The following CCSER1 variants were observed in gnomAD, a reference collection of about 807,000 sequenced individuals.
The protein encoded by CCSER1 is serine-rich coiled-coil domain-containing protein 1.
Under a neutral mutation model 82.0 loss-of-function variants are expected in CCSER1, and 41 were observed. The observed-to-expected ratio is 0.50, with a 90% CI of 0.39 to 0.65. The LOEUF (loss-of-function observed/expected upper bound fraction) is 0.65. CCSER1 is among the 30% of genes least tolerant of loss of function. The pLI, the probability that CCSER1 is intolerant of heterozygous loss-of-function variation, is 0.00. For missense variants in CCSER1, 1,119 were observed against 1,064.2 expected, an observed-to-expected ratio of 1.05 and a Z score of -0.72; for synonymous variants, 414 against 383.9, an observed-to-expected ratio of 1.08 and a Z score of -0.92.
At position 90,812,586 on chromosome 4, in the gene CCSER1, C is replaced by T. The variant is rs138463970; in HGVS notation, c.2011-3176C>T. The stretch of plus-strand genomic sequence containing the variant: ...TTTGAGAATTAATATTTAATTATAG[C>T]CAGGGACCAAATGGTAGATATAGTA... On this transcript the variant is annotated intron_variant, in intron 7 of 10. Transcript: ENST00000509176. Among the ~76,000 whole-genome samples the T allele has an allele frequency of 3.9e-4, 60 of 152,180 alleles. No homozygotes were observed. The East Asian group carries it at 0.01, about 26-fold the overall frequency.
intron 3 of CCSER1, among the ~76,000 whole-genome samples, chr4:90,329,001 T>C (rs1472891206): frequency 6.6e-6 from 1 of 152,228 alleles, no homozygotes; most frequent in Non-Finnish European, 1.5e-5. Context: ...CACTTCTTTG[T>C]TTTTTAAAGG....
At chr4:90,371,746 G>A (rs1368966184) in intron 3 of CCSER1, among the ~76,000 whole-genome samples, 1 of 152,088 alleles carries the variant, frequency 6.6e-6, no homozygotes, top group African/African-American at 2.4e-5. Context: ...TAGGATCAGG[G>A]TCATATCACA....
In CCSER1 at chr4:90,755,588, C is replaced by T. The variant is rs181277094; in HGVS notation, c.2010+31597C>T. Among the ~76,000 whole-genome samples, 9 of 152,198 alleles carry T rather than the reference C, an allele frequency of 5.9e-5. No homozygotes were observed. The East Asian group carries it at 1.2e-3, about 20-fold the overall frequency. On this transcript the variant is annotated intron_variant, in intron 7 of 10. Transcript: ENST00000509176. ...ATATTTTAAAAACAAGAAAAATGAA[C>T]GTATTCTGCTTAATACTGTATTTTT...
intron 10 of CCSER1, among the ~76,000 whole-genome samples, chr4:91,216,119 A>T (rs1444209476): frequency 6.6e-6 from 1 of 152,084 alleles, no homozygotes; most frequent in African/African-American, 2.4e-5. Context: ...GAATATTTCA[A>T]ACAAGATGTC....
At chr4:90,920,010 T>G (rs776539073) in intron 8 of CCSER1, among the ~76,000 whole-genome samples, 2 of 151,946 alleles carry the variant, frequency 1.3e-5, no homozygotes, top group Non-Finnish European at 2.9e-5. Flanking sequence ...TTTATAAAAT[T>G]TATCTACTAC....
chr4:90,880,324 C>G (rs192218855), intron 8 of CCSER1, among the ~76,000 whole-genome samples: 4 of 152,196 alleles, frequency 2.6e-5, no homozygotes, highest in Non-Finnish European at 5.9e-5. Context: ...GGGCTCCACA[C>G]CAGAGATACG....
chr4:91,392,856 A>G (rs1292959759), intron 10 of CCSER1, among the ~76,000 whole-genome samples: 1 of 152,124 alleles, frequency 6.6e-6, no homozygotes, highest in Non-Finnish European at 1.5e-5. Flanking sequence ...TTGAATAGAC[A>G]AGTGATTCTC....
intron 9 of CCSER1, among the ~76,000 whole-genome samples, chr4:90,937,231 G>A (rs749789528): frequency 6.6e-6 from 1 of 152,160 alleles, no homozygotes; most frequent in Non-Finnish European, 1.5e-5. Flanking sequence ...TTCTGCCAAT[G>A]TTGCATTTGA....
At chr4:90,515,474 G>A (rs1772142174) in intron 5 of CCSER1, among the ~76,000 whole-genome samples, 2 of 152,158 alleles carry the variant, frequency 1.3e-5, no homozygotes, top group Non-Finnish European at 2.9e-5. Context: ...TACTGGTTTA[G>A]TGGTGCCCTA....
At chr4:90,640,890 T>A (rs774472973) in intron 6 of CCSER1, among the ~76,000 whole-genome samples, 21 of 152,140 alleles carry the variant, frequency 1.4e-4, no homozygotes, top group Non-Finnish European at 2.8e-4. Context: ...TTTTTTAAAT[T>A]ACCCAGTCCT....
At chr4:90,637,367 T>C (rs1441293830) in intron 6 of CCSER1, among the ~76,000 whole-genome samples, 3 of 152,178 alleles carry the variant, frequency 2.0e-5, no homozygotes, top group Non-Finnish European at 4.4e-5. Context: ...CACAATGTCT[T>C]TTGTAACCTA....
chr4:91,471,077 A>T (rs1287641874), intron 10 of CCSER1, among the ~76,000 whole-genome samples: 1 of 152,212 alleles, frequency 6.6e-6, no homozygotes, highest in African/African-American at 2.4e-5. Flanking sequence ...TGCTGAAATG[A>T]CATCTACAGT....
At chr4:91,536,660 G>A (rs1160297856) in intron 10 of CCSER1, among the ~76,000 whole-genome samples, 2 of 152,020 alleles carry the variant, frequency 1.3e-5, no homozygotes, top group African/African-American at 4.8e-5. Flanking sequence ...CGTGACCAAA[G>A]GTCTCAGTTC....
intron 6 of CCSER1, among the ~76,000 whole-genome samples, chr4:90,672,891 C>G (rs1274565284): frequency 2.6e-5 from 4 of 151,974 alleles, no homozygotes; most frequent in African/African-American, 4.8e-5. Context: ...ATCAGACACA[C>G]ACAATATTTA....
At chr4:90,815,721 A>G in intron 7 of CCSER1, 41 bp from the exon 8 acceptor site, 5 of 1,401,798 alleles carry the variant, frequency 3.6e-6, no homozygotes, top group South Asian at 2.8e-5. Context: ...GCAAAGTAAA[A>G]GGGCTAAGCC....
At chr4:90,352,568 A>G (rs1743664976) in intron 3 of CCSER1, among the ~76,000 whole-genome samples, 2 of 151,994 alleles carry the variant, frequency 1.3e-5, no homozygotes, top group South Asian at 2.1e-4. Flanking sequence ...AGGTTGAGGC[A>G]GGAGAATCAC....
At chr4:90,937,725 T>C (rs550717411) in intron 9 of CCSER1, among the ~76,000 whole-genome samples, 30 of 152,322 alleles carry the variant, frequency 2.0e-4, no homozygotes, top group Admixed American at 6.5e-4. Flanking sequence ...TTTAACCATT[T>C]CATCTGGAAT....
intron 10 of CCSER1, among the ~76,000 whole-genome samples, chr4:91,468,380 C>T (rs1757058232): frequency 6.6e-6 from 1 of 151,990 alleles, no homozygotes; most frequent in Non-Finnish European, 1.5e-5. Context: ...AGAGGGATAG[C>T]ATTAGGAGAT....
intron 6 of CCSER1, among the ~76,000 whole-genome samples, chr4:90,706,218 A>G (rs1034374264): frequency 2.0e-5 from 3 of 152,054 alleles, no homozygotes; most frequent in African/African-American, 7.2e-5. Context: ...TGTTGTAACA[A>G]CCCTAATGGA....
Sources: allele counts gnomAD v4.1 joint callset (sites outside exome capture counted in the v4.1 genomes callset), GRCh38; gene constraint gnomAD v4.1.1; transcripts MANE v1.5; gene names NCBI Gene and HGNC (gene_info 2026-07-23, HGNC 2026-07-21).